PDE4D: variants seen among roughly 807,000 people sequenced by gnomAD.
PDE4D encodes the protein phosphodiesterase 4D, also known as 3',5'-cyclic-AMP phosphodiesterase 4D.
PDE4D carries 24 observed loss-of-function variants against 87.4 expected under a neutral mutation model. The ratio of observed to expected loss-of-function variants is 0.27; its 90% CI spans 0.20 to 0.39. The LOEUF is 0.39. Ranked by LOEUF, PDE4D falls within the 10% of genes least tolerant of loss-of-function variation. The pLI, the probability that PDE4D is intolerant of heterozygous loss-of-function variation, is 1.00. For missense variants in PDE4D, 714 were observed against 1,041.0 expected, an observed-to-expected ratio of 0.69 and a Z score of 4.32; for synonymous variants, 384 against 383.2, an observed-to-expected ratio of 1.00 and a Z score of -0.02.
intron 1 of PDE4D, among the ~76,000 whole-genome samples, chr5:60,235,536 G>A (rs1464400915): frequency 7.9e-5 from 12 of 151,604 alleles, no homozygotes; most frequent in Admixed American, 5.9e-4. Flanking sequence ...CCTAGATCCC[G>A]CTCCACATCT....
chr5:60,292,988 T>C (rs923515558), intron 1 of PDE4D, among the ~76,000 whole-genome samples: 2 of 151,978 alleles, frequency 1.3e-5, no homozygotes, highest in African/African-American at 4.8e-5. Context: ...TTATGAAATA[T>C]TTATTTTCAA....
chr5:59,391,639 T>A (rs1374660744), intron 1 of PDE4D, among the ~76,000 whole-genome samples: 1 of 152,148 alleles, frequency 6.6e-6, no homozygotes, highest in Non-Finnish European at 1.5e-5. Context: ...ACTAGTAAGA[T>A]GAATAGAGCT....
intron 1 of PDE4D, among the ~76,000 whole-genome samples, chr5:59,342,426 G>T (rs1778881805): frequency 6.6e-6 from 1 of 152,110 alleles, no homozygotes; most frequent in Non-Finnish European, 1.5e-5. Flanking sequence ...GCTCTTGAGA[G>T]AAGACAATTA....
At chr5:59,640,259 G>C (rs1741347790) in intron 1 of PDE4D, among the ~76,000 whole-genome samples, 1 of 152,146 alleles carries the variant, frequency 6.6e-6, no homozygotes, top group Admixed American at 6.6e-5. Context: ...AAGGTAAACA[G>C]TGTTTTTCTG....
At chr5:59,006,729 T>G (rs897868614) in intron 6 of PDE4D, among the ~76,000 whole-genome samples, 1 of 152,270 alleles carries the variant, frequency 6.6e-6, no homozygotes, top group African/African-American at 2.4e-5. Flanking sequence ...ATTAACAATC[T>G]TTTTGAACTA....
At chr5:59,739,149 G>A (rs543528003) in intron 1 of PDE4D, among the ~76,000 whole-genome samples, 2 of 152,280 alleles carry the variant, frequency 1.3e-5, no homozygotes, top group Admixed American at 1.3e-4. Flanking sequence ...GCTGGGTGCA[G>A]TGGCTCACAC....
intron 1 of PDE4D, among the ~76,000 whole-genome samples, chr5:59,706,246 T>G (rs1185998890): frequency 6.6e-6 from 1 of 152,128 alleles, no homozygotes; most frequent in East Asian, 1.9e-4. Context: ...TTTTTGTTCT[T>G]TTTCCTGCAG....
intron 1 of PDE4D, among the ~76,000 whole-genome samples, chr5:59,762,742 T>G (rs915165239): frequency 5.4e-5 from 8 of 147,638 alleles, no homozygotes; most frequent in African/African-American, 2.0e-4. Context: ...ATATAATATA[T>G]GTATATAGGT....
At chr5:60,406,417 C>T (rs747902454) in intron 1 of PDE4D, among the ~76,000 whole-genome samples, 5 of 152,116 alleles carry the variant, frequency 3.3e-5, no homozygotes, top group Admixed American at 6.5e-5. Context: ...GATTTATAAC[C>T]GCCATAACTC....
intron 1 of PDE4D, among the ~76,000 whole-genome samples, chr5:59,801,759 C>T (rs978152845): frequency 2.0e-5 from 3 of 152,138 alleles, no homozygotes; most frequent in Admixed American, 1.3e-4. Flanking sequence ...TCATCTACTC[C>T]AAACAACTCT....
intron 2 of PDE4D, chr5:60,147,771 C>T (rs986239300): frequency 2.2e-6 from 1 of 455,908 alleles, no homozygotes; most frequent in African/African-American, 2.0e-5. Context: ...TGTCTCAGTT[C>T]CTTGCTGACT....
chr5:59,755,441 C>G (rs924476920), intron 1 of PDE4D, among the ~76,000 whole-genome samples: 19 of 151,922 alleles, frequency 1.3e-4, no homozygotes, highest in African/African-American at 4.6e-4. Context: ...TAAATGTAAA[C>G]AGTATAAATG....
At chr5:59,165,721 G>T (rs1439222688) in intron 5 of PDE4D, among the ~76,000 whole-genome samples, 1 of 152,192 alleles carries the variant, frequency 6.6e-6, no homozygotes, top group Non-Finnish European at 1.5e-5. Context: ...CGTAGTGCTA[G>T]AATATGAACC....
chr5:59,285,982 A>G (rs1012351129), intron 1 of PDE4D, among the ~76,000 whole-genome samples: 2 of 152,174 alleles, frequency 1.3e-5, no homozygotes, highest in African/African-American at 4.8e-5. Context: ...AGATCTTTGC[A>G]TATGTATCTC....
chr5:58,976,267 A>ACAT, intron 13 of PDE4D, 83 bp downstream of exon 13: 1 of 1,395,852 alleles, frequency 7.2e-7, no homozygotes, highest in Non-Finnish European at 9.6e-7. Context: ...AGGAAGAAAT[A>ACAT]CATCTTATCA....
chr5:59,269,275 CT>C (rs1763375512), intron 1 of PDE4D, among the ~76,000 whole-genome samples: 1 of 152,152 alleles, frequency 6.6e-6, no homozygotes, highest in Admixed American at 6.6e-5. Flanking sequence ...ACCATACTCA[CT>C]TCCTGAATTA....
intron 1 of PDE4D, among the ~76,000 whole-genome samples, chr5:59,668,193 T>C (rs1188526592): frequency 6.6e-6 from 1 of 152,314 alleles, no homozygotes; most frequent in Non-Finnish European, 1.5e-5. Context: ...GATAATACTT[T>C]CCCTGCCTCT....
At chr5:58,987,287 A>G (rs1421665719) in intron 11 of PDE4D, among the ~76,000 whole-genome samples, 1 of 152,222 alleles carries the variant, frequency 6.6e-6, no homozygotes, top group Non-Finnish European at 1.5e-5. Flanking sequence ...GGTAGGTAGA[A>G]CATGAAATGT....
chr5:59,591,197 C>T (rs1157974668), intron 1 of PDE4D, among the ~76,000 whole-genome samples: 2 of 152,104 alleles, frequency 1.3e-5, no homozygotes, highest in Admixed American at 1.3e-4. Flanking sequence ...AGTAGAAATA[C>T]AGAATTAATA....
Sources: allele counts gnomAD v4.1 joint callset (sites outside exome capture counted in the v4.1 genomes callset), GRCh38; gene constraint gnomAD v4.1.1; transcripts MANE v1.5; gene names NCBI Gene and HGNC (gene_info 2026-07-23, HGNC 2026-07-21).